The following CDC42SE2 variants were observed in gnomAD, a reference collection of about 807,000 sequenced individuals.
CDC42SE2 encodes the protein CDC42 small effector 2.
In CDC42SE2, 3 loss-of-function variants were observed where a neutral mutation model predicts 11.5. The observed-to-expected ratio is 0.26, with a 90% CI of 0.12 to 0.67. CDC42SE2 has a LOEUF of 0.67. CDC42SE2 is among the 30% of genes least tolerant of loss of function. CDC42SE2 has a pLI of 0.80. For missense variants in CDC42SE2, 82 were observed against 106.8 expected (o/e 0.77, Z 1.02); for synonymous variants, 33 against 34.8 (o/e 0.95, Z 0.18).
At chr5:131,300,504 G>A (rs576829666) in intron 1 of CDC42SE2, among the ~76,000 whole-genome samples, 1 of 152,278 alleles carries the variant, frequency 6.6e-6, no homozygotes, top group South Asian at 2.1e-4. Context: ...TATGTTGTAG[G>A]CCTGGCGCAG....
intron 2 of CDC42SE2, among the ~76,000 whole-genome samples, chr5:131,352,486 A>G (rs1441531398): frequency 2.6e-5 from 4 of 152,210 alleles, no homozygotes; most frequent in East Asian, 3.8e-4. Context: ...AGGAAAGTCT[A>G]ATCTGTAATC....
In CDC42SE2 at chr5:131,310,136, G is replaced by A. The variant is rs1332148569; in HGVS notation, c.-454-5840G>A. Among the ~76,000 whole-genome samples the A allele has an allele frequency of 2.0e-5, 3 of 151,908 alleles. No individual in the cohort carries two copies. The East Asian group carries it at 5.8e-4, about 29-fold the overall frequency. The stretch of plus-strand genomic sequence containing the variant: ...GCTTTGAATGTGTCCCAGAGATTCT[G>A]GTATGTTGTGTCTTTGTTCTCGTTG... On this transcript the variant is annotated intron_variant, in intron 1 of 4. Transcript: ENST00000505065.
intron 2 of CDC42SE2, among the ~76,000 whole-genome samples, chr5:131,319,661 C>T (rs370369753): frequency 6.3e-4 from 96 of 152,214 alleles, no homozygotes; most frequent in African/African-American, 2.3e-3. Flanking sequence ...TCTGTAACAT[C>T]CCGATAAAAT....
chr5:131,251,351 G>A (rs915892709), intron 1 of CDC42SE2, among the ~76,000 whole-genome samples: 11 of 151,974 alleles, frequency 7.2e-5, no homozygotes, highest in Non-Finnish European at 1.3e-4. Flanking sequence ...TTTACTAAAG[G>A]TAATCATTTT....
chr5:131,345,137 C>G (rs1437386029), intron 2 of CDC42SE2, among the ~76,000 whole-genome samples: 1 of 152,186 alleles, frequency 6.6e-6, no homozygotes, highest in Non-Finnish European at 1.5e-5. Flanking sequence ...CGGAACAAAG[C>G]TGGACAGAGA....
intron 2 of CDC42SE2, among the ~76,000 whole-genome samples, chr5:131,351,716 A>G (rs1201395997): frequency 6.6e-6 from 1 of 152,266 alleles, no homozygotes; most frequent in African/African-American, 2.4e-5. Context: ...TATAAAAATA[A>G]AAGCTAAAAA....
At chr5:131,268,613 C>T (rs1017081483) in intron 1 of CDC42SE2, among the ~76,000 whole-genome samples, 6 of 151,452 alleles carry the variant, frequency 4.0e-5, no homozygotes, top group East Asian at 1.9e-4. Context: ...CCACCATGCT[C>T]GGCTAATTTT....
chr5:131,362,147 C>G (rs1749728447), intron 3 of CDC42SE2, among the ~76,000 whole-genome samples: 1 of 152,106 alleles, frequency 6.6e-6, no homozygotes, highest in South Asian at 2.1e-4. Context: ...CTTCCCTGTT[C>G]CCACTCCCAT....
intron 1 of CDC42SE2, among the ~76,000 whole-genome samples, chr5:131,267,305 C>T (rs1328265389): frequency 1.3e-5 from 2 of 152,058 alleles, no homozygotes; most frequent in Non-Finnish European, 2.9e-5. Context: ...GATCTGCCCT[C>T]CTTGGCCTCC....
intron 3 of CDC42SE2, among the ~76,000 whole-genome samples, chr5:131,368,213 A>G (rs1321191845): frequency 6.9e-6 from 1 of 145,216 alleles, no homozygotes; most frequent in Non-Finnish European, 1.5e-5. Flanking sequence ...AGATTGCGCC[A>G]CTGCACTCCA....
At chr5:131,250,583 A>G (rs1286019994) in intron 1 of CDC42SE2, among the ~76,000 whole-genome samples, 2 of 152,114 alleles carry the variant, frequency 1.3e-5, no homozygotes, top group Admixed American at 1.3e-4. Flanking sequence ...GGGTAGGGGG[A>G]GGTGGGAAGG....
chr5:131,388,998 T>A (rs1483819165), intron 4 of CDC42SE2, among the ~76,000 whole-genome samples: 1 of 152,088 alleles, frequency 6.6e-6, no homozygotes, highest in Non-Finnish European at 1.5e-5. Flanking sequence ...CATGCCCAGC[T>A]AGTTTTTGTA....
At chr5:131,256,991 G>A (rs566738933) in intron 2 of CDC42SE2, among the ~76,000 whole-genome samples, 4 of 152,274 alleles carry the variant, frequency 2.6e-5, no homozygotes, top group African/African-American at 9.6e-5. Flanking sequence ...TGGGGTAAAG[G>A]GGTGGTGCAT....
intron 3 of CDC42SE2, among the ~76,000 whole-genome samples, chr5:131,360,411 C>T (rs1488664652): frequency 6.6e-6 from 1 of 151,850 alleles, no homozygotes; most frequent in Non-Finnish European, 1.5e-5. Context: ...TGAGCCACTG[C>T]ACCTGGCCTC....
the CDC42SE2 span, among the ~76,000 whole-genome samples, chr5:131,221,490 C>A: frequency 6.6e-6 from 1 of 151,636 alleles, no homozygotes; most frequent in African/African-American, 2.4e-5. Flanking sequence ...GTATGCAAAG[C>A]AGCACAGCAT....
chr5:131,288,935 C>G (rs1757395837), intron 1 of CDC42SE2, among the ~76,000 whole-genome samples: 1 of 152,118 alleles, frequency 6.6e-6, no homozygotes, highest in Non-Finnish European at 1.5e-5. Flanking sequence ...AAATTGATTA[C>G]TTTTCTTTGA....
chr5:131,224,405 G>A, the CDC42SE2 span, among the ~76,000 whole-genome samples: 1 of 152,118 alleles, frequency 6.6e-6, no homozygotes, highest in African/African-American at 2.4e-5. Flanking sequence ...CATCTGCTCA[G>A]GTCAAAAGTC....
chr5:131,374,277 T>A lies in CDC42SE2; in HGVS notation c.55-11266T>A, dbSNP rs571364919. The stretch of plus-strand genomic sequence containing the variant: ...GGTATTAGAACAATTAATGATAGTT[T>A]CATTAAAAGGTAAGCAAACAACTTT... On this transcript the variant is annotated intron_variant, in intron 3 of 4. Coordinates refer to ENST00000505065, the MANE Select transcript of CDC42SE2 (RefSeq NM_001375635.1). 1.6e-4 allele frequency among the ~76,000 whole-genome samples: 25 copies of A among 152,216 alleles called. No individual in the cohort carries two copies. The East Asian group carries it at 4.8e-3, about 29-fold the overall frequency.
At chr5:131,272,675 A>G (rs1757018648) in intron 1 of CDC42SE2, among the ~76,000 whole-genome samples, 1 of 152,112 alleles carries the variant, frequency 6.6e-6, no homozygotes, top group Non-Finnish European at 1.5e-5. Context: ...ATGTATTGAA[A>G]TATCTCCCAT....
Sources: gnomAD v4.1 joint callset for allele counts (sites outside exome capture counted in the v4.1 genomes callset) on GRCh38, gnomAD v4.1.1 for gene constraint, MANE v1.5 for transcripts, NCBI Gene and HGNC (gene_info 2026-07-23, HGNC 2026-07-21) for gene names.